SLC15A1: variants seen among roughly 807,000 people sequenced by gnomAD.
SLC15A1 encodes solute carrier family 15 member 1, also known as Caco-2 oligopeptide transporter.
SLC15A1 carries 83 observed loss-of-function variants against 92.9 expected under a neutral mutation model. That is an observed-to-expected ratio of 0.89 (90% CI 0.75 to 1.07). SLC15A1 has a LOEUF of 1.07. Among genes scored for constraint, SLC15A1 ranks in the 50% least tolerant of loss-of-function variants. The pLI is 0.00. For synonymous variants in SLC15A1, 322 were observed against 318.2 expected (o/e 1.01, Z -0.13); for missense variants, 857 against 880.1 (o/e 0.97, Z 0.33).
chr13:98,724,563 C>G (rs143379201), intron 4 of SLC15A1, among the ~76,000 whole-genome samples: 74 of 152,314 alleles, frequency 4.9e-4, no homozygotes, highest in African/African-American at 1.7e-3. Context: ...GATCCGCCTC[C>G]TGGGTTAACA....
intron 18 of SLC15A1, among the ~76,000 whole-genome samples, chr13:98,698,048 G>C (rs1483560602): frequency 2.0e-5 from 3 of 152,092 alleles, no homozygotes; most frequent in Non-Finnish European, 4.4e-5. Flanking sequence ...GGCCAACTAG[G>C]TTACGGGGAA....
intron 18 of SLC15A1, among the ~76,000 whole-genome samples, chr13:98,692,335 T>C (rs1348516603): frequency 1.3e-5 from 2 of 151,746 alleles, no homozygotes; most frequent in Non-Finnish European, 2.9e-5. Context: ...TAAATTCTTA[T>C]ATTTGCAGAG....
intron 1 of SLC15A1, among the ~76,000 whole-genome samples, chr13:98,741,079 C>A (rs2088439951): frequency 6.6e-6 from 1 of 152,124 alleles, no homozygotes; most frequent in Non-Finnish European, 1.5e-5. Context: ...GTCCACCCAG[C>A]ATTCTGGTGT....
rs542860217 is a variant in SLC15A1, at chr13:98,728,266, A to G, written c.5-1407T>C. On this transcript the variant is annotated intron_variant, in intron 1 of 22. Transcript: ENST00000376503. ...TTTGGTTACTACAGCTTTGTAGTATATTTTGACATCAGGTGGTACCTCTGG... is the reference window on the plus strand; with the variant it reads ...TTTGGTTACTACAGCTTTGTAGTATGTTTTGACATCAGGTGGTACCTCTGG... Among the ~76,000 whole-genome samples the G allele has an allele frequency of 7.2e-5, 11 of 152,154 alleles. No homozygotes were observed. The South Asian group carries it at 1.5e-3, about 20-fold the overall frequency.
chr13:98,711,823 G>A (rs868329282), intron 11 of SLC15A1, 31 bp downstream of exon 11: 13 of 1,537,042 alleles, frequency 8.5e-6, no homozygotes, highest in African/African-American at 1.4e-5. Flanking sequence ...CTTGCTCCGT[G>A]AAGAAGAGCA....
rs766903767 is a variant in SLC15A1, at chr13:98,726,326, C to T, written c.103+42G>A. ...AAAGTTAGGACTGGTTATGGCCACT[C>T]CCGCTCTTCCCTGAAGGGTGAGAAA... is the stretch of plus-strand genomic sequence containing the variant. On this transcript the variant is annotated intron_variant, in intron 3 of 22. Coordinates refer to ENST00000376503, the MANE Select transcript of SLC15A1 (RefSeq NM_005073.4). The T allele has an allele frequency of 9.3e-6, 15 of 1,613,854 alleles. No homozygotes were observed. The South Asian group carries it at 1.4e-4, about 15-fold the overall frequency.
chr13:98,724,594 C>T (rs148380601), intron 4 of SLC15A1, among the ~76,000 whole-genome samples: 2,462 of 152,260 alleles, frequency 0.016, 61 homozygotes, highest in African/African-American at 0.057. Context: ...GCCTTGGCCT[C>T]CCGAGTAGCT....
rs147162293 is a variant in SLC15A1, at chr13:98,731,090, C to G, written c.5-4231G>C. On this transcript the variant is annotated intron_variant, in intron 1 of 22. Coordinates refer to ENST00000376503, the MANE Select transcript of SLC15A1 (RefSeq NM_005073.4). Reference sequence around the variant, plus strand: ...TCCTTCCAGGTTTCAGTAGCGGTTCCTTCCCCTCATCTTGCAGGCCAGGGG... The same window carrying G: ...TCCTTCCAGGTTTCAGTAGCGGTTCGTTCCCCTCATCTTGCAGGCCAGGGG... 2.3e-3 allele frequency among the ~76,000 whole-genome samples: 347 copies of G among 152,344 alleles called. 1 individual carries two copies. The highest frequency in any genetic ancestry group is 7.7e-3 in the African/African-American group (319 of 41,582).
Position 98,728,931 on chromosome 13 carries a change from A to G in SLC15A1, c.5-2072T>C, listed in dbSNP as rs2088323555. Among the ~76,000 whole-genome samples the G allele has an allele frequency of 2.1e-5, 3 of 142,876 alleles. No individual in the cohort carries two copies. In the Admixed American group the frequency reaches 2.2e-4, roughly 10 times the overall value. The allele number at this position is 142,876 out of a possible 152,430, so 93.7% of individuals were successfully genotyped here. A position where few individuals can be genotyped will look rare whatever the true frequency, so the allele number is the denominator to read the frequency against. On this transcript the variant is annotated intron_variant, in intron 1 of 22. Coordinates refer to ENST00000376503, the MANE Select transcript of SLC15A1 (RefSeq NM_005073.4). ...GGGAGGTGGAGGTTGCAATGAGTCAAGATCACACCACTGCACTCCAGCCTA... is the reference window on the plus strand; with the variant it reads ...GGGAGGTGGAGGTTGCAATGAGTCAGGATCACACCACTGCACTCCAGCCTA...
Position 98,724,033 on chromosome 13 carries a change from T to C in SLC15A1, c.246-2A>G. On this transcript the variant is annotated splice_acceptor_variant, in intron 4 of 22. Transcript: ENST00000376503. LOFTEE classifies it high-confidence loss of function. ...ACAATGGAGAGCGACACAATGGTCC[T>C]GTGTTTCCAAAGATTAAGAGAATCC... 6.2e-7 allele frequency: 1 copy of C among 1,613,942 alleles called. No individual in the cohort carries two copies. Among genetic ancestry groups the C allele is most frequent in the Non-Finnish European group, 8.5e-7 (1 of 1,179,916 alleles).
intron 5 of SLC15A1, among the ~76,000 whole-genome samples, chr13:98,723,157 G>A (rs144125601): frequency 4.3e-4 from 65 of 152,262 alleles, no homozygotes; most frequent in African/African-American, 1.5e-3. Flanking sequence ...GAGCTGCTCT[G>A]TGGGAGGGCT....
intron 9 of SLC15A1, 93 bp downstream of exon 9, chr13:98,715,785 A>T: frequency 9.8e-7 from 1 of 1,019,458 alleles, no homozygotes; most frequent in Non-Finnish European, 1.5e-6. Flanking sequence ...AAATATATTT[A>T]AAGGAAAGTC....
chr13:98,710,052 C>A, intron 11 of SLC15A1, 141 bp from the exon 12 acceptor site: 6 of 769,970 alleles, frequency 7.8e-6, no homozygotes, highest in Non-Finnish European at 1.3e-5. Context: ...TCAAGTTAAT[C>A]TCCCAGCTCT....
chr13:98,702,597 T>A, intron 17 of SLC15A1, 68 bp from the exon 18 acceptor site: 1 of 1,281,136 alleles, frequency 7.8e-7, no homozygotes, highest in Non-Finnish European at 1.1e-6. Context: ...TTCAGATGAA[T>A]ATTTCAGTCT....
chr13:98,723,744 T>A (rs554606310), intron 5 of SLC15A1, among the ~76,000 whole-genome samples, 168 bp downstream of exon 5: 32 of 152,266 alleles, frequency 2.1e-4, no homozygotes, highest in African/African-American at 7.7e-4. Flanking sequence ...GGTGGTGACA[T>A]CCTGAAGACC....
intron 18 of SLC15A1, among the ~76,000 whole-genome samples, chr13:98,700,874 T>TATTCATTCATGTATGGGTCTATTTC (rs1167299406): frequency 6.6e-6 from 1 of 152,206 alleles, no homozygotes; most frequent in African/African-American, 2.4e-5. Flanking sequence ...GGGTCTGGAT[T>TATTCATTCATGTATGGGTCTATTTC]ATTCATTCAT....
intron 18 of SLC15A1, among the ~76,000 whole-genome samples, chr13:98,690,574 G>T (rs2087966546): frequency 1.3e-5 from 2 of 152,198 alleles, no homozygotes; most frequent in African/African-American, 4.8e-5. Context: ...ATTCTGAGCT[G>T]CCTGGCCTAT....
intron 8 of SLC15A1, among the ~76,000 whole-genome samples, chr13:98,717,453 C>G (rs2088219714): frequency 6.6e-6 from 1 of 152,088 alleles, no homozygotes; most frequent in Non-Finnish European, 1.5e-5. Flanking sequence ...CTCAATTCCT[C>G]CAGAAGAAAA....
intron 5 of SLC15A1, 22 bp downstream of exon 5, chr13:98,723,890 G>T (rs750879803): frequency 1.4e-5 from 23 of 1,613,740 alleles, no homozygotes; most frequent in Non-Finnish European, 1.4e-5. Flanking sequence ...GGTGATGGGG[G>T]CAGCAGTGAG....
Sources: gnomAD v4.1 joint callset for allele counts (sites outside exome capture counted in the v4.1 genomes callset) on GRCh38, gnomAD v4.1.1 for gene constraint, MANE v1.5 for transcripts, NCBI Gene and HGNC (gene_info 2026-07-23, HGNC 2026-07-21) for gene names.